Variants in NAB1 observed in about 807,000 individuals in gnomAD.
NAB1 encodes the protein NGFI-A binding protein 1.
NAB1 carries 25 observed loss-of-function variants against 49.9 expected under a neutral mutation model. The ratio of observed to expected loss-of-function variants is 0.50; its 90% CI spans 0.37 to 0.70. The LOEUF (loss-of-function observed/expected upper bound fraction) is 0.70, where lower values mean the gene tolerates loss of function less well. Among genes scored for constraint, NAB1 ranks in the 30% least tolerant of loss-of-function variants. NAB1 has a pLI of 0.00. For missense variants in NAB1, 489 were observed against 575.9 expected (o/e 0.85, Z 1.54); for synonymous variants, 198 against 215.6 (o/e 0.92, Z 0.71).
At chr2:190,660,507 C>G (rs3771319) in intron 4 of NAB1, among the ~76,000 whole-genome samples, 32,302 of 152,024 alleles carry the variant, frequency 0.21, 3,548 homozygotes, top group Non-Finnish European at 0.25. Flanking sequence ...TTTATTTTAT[C>G]TTTATAGTAC....
rs79398215 is a variant in NAB1, at chr2:190,685,173, C to G, written c.1096-303C>G. Among the ~76,000 whole-genome samples the G allele has an allele frequency of 2.6e-5, 4 of 152,198 alleles. No individual in the cohort carries two copies. The East Asian group carries it at 5.8e-4, about 22-fold the overall frequency. On this transcript the variant is annotated intron_variant, in intron 7 of 9. Transcript: ENST00000337386. This position sits in a 1 kb window ranked among gnomAD's most constrained non-coding sequence, Gnocchi z 4.5. ...TTTTAGATTTCTGTTTTAAAAAATC[C>G]TTTAAAGGACTTAGTACCTTGGAAA...
chr2:190,658,455 T>C (rs2125603863), intron 3 of NAB1, among the ~76,000 whole-genome samples: 2 of 152,208 alleles, frequency 1.3e-5, no homozygotes, highest in East Asian at 3.8e-4. Flanking sequence ...TGTCAATAAA[T>C]GGTAACTGTT....
In NAB1 at chr2:190,682,489, G is replaced by A. The variant is rs1274525575; in HGVS notation, c.1006-1249G>A. Among the ~76,000 whole-genome samples, 1 of 152,218 alleles carries A rather than the reference G, an allele frequency of 6.6e-6. No individual in the cohort carries two copies. The highest frequency in any genetic ancestry group is 1.5e-5 in the Non-Finnish European group (1 of 68,050). ...ATGAAGGAATCCTTGAGCAATTCAGGTTGGGATTATCGGTTAGCACTTTAA... is the reference window on the plus strand; with the variant it reads ...ATGAAGGAATCCTTGAGCAATTCAGATTGGGATTATCGGTTAGCACTTTAA... On this transcript the variant is annotated intron_variant, in intron 6 of 9. Transcript: ENST00000337386. The surrounding 1 kb of genome is among the most constrained non-coding windows in gnomAD (Gnocchi z 4.1).
Position 190,667,291 on chromosome 2 carries a change from T to C in NAB1, c.820-3035T>C, listed in dbSNP as rs1479467462. Among the ~76,000 whole-genome samples the C allele has an allele frequency of 6.6e-6, 1 of 152,256 alleles. No individual in the cohort carries two copies. The highest frequency in any genetic ancestry group is 1.5e-5 in the Non-Finnish European group (1 of 68,048). ...TTATTTTCTGTGTTTGTGCATAAGC[T>C]AGTACCTCTGAAATGTTGTCAGTTA... On this transcript the variant is annotated intron_variant, in intron 4 of 9. Coordinates refer to ENST00000337386, the MANE Select transcript of NAB1 (RefSeq NM_005966.4). This position sits in a 1 kb window ranked among gnomAD's most constrained non-coding sequence, Gnocchi z 4.4.
Position 190,679,533 on chromosome 2 carries a change from A to T in NAB1, c.1006-4205A>T, listed in dbSNP as rs1187349310. Among the ~76,000 whole-genome samples the T allele has an allele frequency of 6.6e-6, 1 of 152,180 alleles. No homozygotes were observed. Among genetic ancestry groups the T allele is most frequent in the Admixed American group, 6.5e-5 (1 of 15,284 alleles). Reference sequence around the variant, plus strand: ...AGCTTTTTCAGTATTCTCATGGTTGAATAATCCTGACTTTAGTGCCACCAG... The same window carrying T: ...AGCTTTTTCAGTATTCTCATGGTTGTATAATCCTGACTTTAGTGCCACCAG... On this transcript the variant is annotated intron_variant, in intron 6 of 9. Coordinates refer to ENST00000337386, the MANE Select transcript of NAB1 (RefSeq NM_005966.4). This position sits in a 1 kb window ranked among gnomAD's most constrained non-coding sequence, Gnocchi z 5.3.
chr2:190,683,400 C>G (rs990171130), intron 6 of NAB1, among the ~76,000 whole-genome samples: 7 of 147,900 alleles, frequency 4.7e-5, no homozygotes, highest in African/African-American at 1.8e-4. Context: ...CCCACCTTGG[C>G]CTCCCAAAGT....
At position 190,691,543 on chromosome 2, in the gene NAB1, G is replaced by A. The variant is rs1695933697; in HGVS notation, c.*1210G>A. ...CCCCAATTTAATTAATGGACCATGTGCATATATATGGGAGTGTGCTTACAT... is the reference window on the plus strand; with the variant it reads ...CCCCAATTTAATTAATGGACCATGTACATATATATGGGAGTGTGCTTACAT... On this transcript the variant is annotated 3_prime_UTR_variant, in exon 10 of 10. Transcript: ENST00000337386. The surrounding 1 kb of genome is among the most constrained non-coding windows in gnomAD (Gnocchi z 4.1). 1 of 152,106 alleles carries A rather than the reference G, an allele frequency of 6.6e-6. No individual in the cohort carries two copies. Among genetic ancestry groups the A allele is most frequent in the Admixed American group, 6.5e-5 (1 of 15,280 alleles). 9.4% of individuals were successfully genotyped at this position (152,106 alleles called of 1,614,324 possible).
intron 9 of NAB1, 129 bp from the exon 10 acceptor site, chr2:190,690,116 T>C (rs1695882504): frequency 1.6e-6 from 1 of 631,216 alleles, no homozygotes; most frequent in Non-Finnish European, 2.7e-6. Flanking sequence ...AAATTTTGCA[T>C]GGAATTACAG....
intron 9 of NAB1, among the ~76,000 whole-genome samples, chr2:190,688,084 C>T (rs745767801): frequency 1.3e-5 from 2 of 152,124 alleles, no homozygotes; most frequent in African/African-American, 2.4e-5. Flanking sequence ...GCATTAGAGA[C>T]CAGCACAATT....
In NAB1 at chr2:190,692,551, T is replaced by C. The variant is rs976118553; in HGVS notation, c.*2218T>C. ...TGTATATGTGAATTGGAAGTTATAA[T>C]TAGTTGATTTTTTCATTTTGTTAGA... On this transcript the variant is annotated 3_prime_UTR_variant, in exon 10 of 10. Coordinates refer to ENST00000337386, the MANE Select transcript of NAB1 (RefSeq NM_005966.4). This position sits in a 1 kb window ranked among gnomAD's most constrained non-coding sequence, Gnocchi z 5.2. The C allele has an allele frequency of 6.6e-6, 1 of 152,654 alleles. No homozygotes were observed. Among genetic ancestry groups the C allele is most frequent in the Admixed American group, 6.5e-5 (1 of 15,282 alleles). 9.5% of individuals were successfully genotyped at this position (152,654 alleles called of 1,614,324 possible).
In NAB1 at chr2:190,667,476, A is replaced by G. The variant is rs1332913813; in HGVS notation, c.820-2850A>G. Among the ~76,000 whole-genome samples, 4 of 152,248 alleles carry G rather than the reference A, an allele frequency of 2.6e-5. No homozygotes were observed. The highest frequency in any genetic ancestry group is 4.8e-5 in the African/African-American group (2 of 41,470). Reference sequence around the variant, plus strand: ...TTTTGAATATCATTATTTAAAGTATACATTTCACTTTTAACTCCAATAACA... The same window carrying G: ...TTTTGAATATCATTATTTAAAGTATGCATTTCACTTTTAACTCCAATAACA... On this transcript the variant is annotated intron_variant, in intron 4 of 9. Coordinates refer to ENST00000337386, the MANE Select transcript of NAB1 (RefSeq NM_005966.4). This position sits in a 1 kb window ranked among gnomAD's most constrained non-coding sequence, Gnocchi z 4.4.
chr2:190,660,986 A>C (rs1694196442), intron 4 of NAB1, among the ~76,000 whole-genome samples: 1 of 151,042 alleles, frequency 6.6e-6, no homozygotes, highest in South Asian at 2.1e-4. Flanking sequence ...TCTGTCACGC[A>C]AGCTAGAGTG....
In NAB1 at chr2:190,652,480, T is replaced by C. The variant is rs1574411100; in HGVS notation, c.-197+2498T>C. On this transcript the variant is annotated intron_variant, in intron 2 of 9. Transcript: ENST00000337386. The surrounding 1 kb of genome is among the most constrained non-coding windows in gnomAD (Gnocchi z 4.2). ...ATAGTTATCATTTAGCAAAATCTGGTTTAGTTTTTTCTAATTTTGGCAAGT... is the reference window on the plus strand; with the variant it reads ...ATAGTTATCATTTAGCAAAATCTGGCTTAGTTTTTTCTAATTTTGGCAAGT... Among the ~76,000 whole-genome samples the C allele has an allele frequency of 6.6e-6, 1 of 152,284 alleles. No homozygotes were observed. Among genetic ancestry groups the C allele is most frequent in the East Asian group, 1.9e-4 (1 of 5,194 alleles).
rs1366621993 is a variant in NAB1, at chr2:190,670,099, A to C, written c.820-227A>C. On this transcript the variant is annotated intron_variant, in intron 4 of 9. Coordinates refer to ENST00000337386, the MANE Select transcript of NAB1 (RefSeq NM_005966.4). This position sits in a 1 kb window ranked among gnomAD's most constrained non-coding sequence, Gnocchi z 5.3. ...CAAAAAAAGGATATAAATAAATAAA[A>C]TCAAGATGACTATTATGATTAATTT... 6.6e-6 allele frequency among the ~76,000 whole-genome samples: 1 copy of C among 152,176 alleles called. No individual in the cohort carries two copies. Among genetic ancestry groups the C allele is most frequent in the Non-Finnish European group, 1.5e-5 (1 of 68,026 alleles).
At chr2:190,687,395 CAAAAAAAAAAAAAA>C (rs60742412) in intron 9 of NAB1, 78 bp downstream of exon 9, 3 of 158,712 alleles carry the variant, frequency 1.9e-5, no homozygotes, top group South Asian at 1.0e-4. Context: ...CCTCCCCCAT[CAAAAAAAAAAAAAA>C]AAAAAAAAAA....
chr2:190,653,292 T>C (rs1163968236), intron 2 of NAB1, among the ~76,000 whole-genome samples: 7 of 152,032 alleles, frequency 4.6e-5, no homozygotes, highest in Non-Finnish European at 1.0e-4. Context: ...CAATCTTTCA[T>C]TAATGTGCAT....
chr2:190,670,283 A>T lies in NAB1; in HGVS notation c.820-43A>T. 1 of 1,563,472 alleles carries T rather than the reference A, an allele frequency of 6.4e-7. No individual in the cohort carries two copies. The highest frequency in any genetic ancestry group is 8.7e-7 in the Non-Finnish European group (1 of 1,155,792). On this transcript the variant is annotated intron_variant, in intron 4 of 9. Transcript: ENST00000337386. This position sits in a 1 kb window ranked among gnomAD's most constrained non-coding sequence, Gnocchi z 5.3. The stretch of plus-strand genomic sequence containing the variant: ...GTGAAACCTTTTGCATTTTGATGAA[A>T]TTAAAATGTTCTTAATTTTGAAACT...
chr2:190,650,168 C>T (rs528771432), intron 2 of NAB1, among the ~76,000 whole-genome samples, 186 bp downstream of exon 2: 1 of 152,318 alleles, frequency 6.6e-6, no homozygotes, highest in African/African-American at 2.4e-5. Flanking sequence ...GCAGACCAAG[C>T]TTTGCAGCGA....
Position 190,673,081 on chromosome 2 carries a change from T to G in NAB1, c.954-20T>G, listed in dbSNP as rs111931434. 3.4e-4 allele frequency: 542 copies of G among 1,596,170 alleles called. No individual in the cohort carries two copies. The highest frequency in any genetic ancestry group is 2.9e-4 in the Non-Finnish European group (343 of 1,174,922). ...TACTTTCTCAAGTTTTTTTTTTTTTTTCTCTCCCCTTTCCCTTAGGTCAAA... is the reference window on the plus strand; with the variant it reads ...TACTTTCTCAAGTTTTTTTTTTTTTGTCTCTCCCCTTTCCCTTAGGTCAAA... On this transcript the variant is annotated intron_variant, in intron 5 of 9. Transcript: ENST00000337386.
Sources: gnomAD v4.1 joint callset for allele counts (sites outside exome capture counted in the v4.1 genomes callset) on GRCh38, gnomAD v4.1.1 for gene constraint, Gnocchi (gnomAD v3.1) non-coding constraint, MANE v1.5 for transcripts, NCBI Gene and HGNC (gene_info 2026-07-23, HGNC 2026-07-21) for gene names.